The following ATXN2 variants were observed in gnomAD, a reference collection of about 807,000 sequenced individuals.
ATXN2 encodes ataxin 2.
ATXN2 carries 37 observed loss-of-function variants against 138.6 expected under a neutral mutation model. The observed-to-expected ratio is 0.27, with a 90% confidence interval of 0.21 to 0.35. ATXN2 has a LOEUF of 0.35. ATXN2 is among the 10% of genes least tolerant of loss of function. The probability of loss-of-function intolerance (pLI) is 1.00; values close to 1 mark genes in which losing one functional copy is unlikely to be tolerated. For missense variants in ATXN2, 1,216 were observed against 1,480.3 expected (o/e 0.82, Z 2.93); for synonymous variants, 549 against 543.7 (o/e 1.01, Z -0.13).
chr12:111,538,804 T>G (rs1252196786), intron 5 of ATXN2, among the ~76,000 whole-genome samples: 1 of 150,472 alleles, frequency 6.6e-6, no homozygotes, highest in Non-Finnish European at 1.5e-5. Flanking sequence ...TCAAACTTAC[T>G]AATCAGATTC....
intron 22 of ATXN2, among the ~76,000 whole-genome samples, chr12:111,456,485 G>C (rs1875112606): frequency 6.6e-6 from 1 of 152,144 alleles, no homozygotes; most frequent in South Asian, 2.1e-4. Context: ...AAACTTCTGA[G>C]CATACATACT....
At chr12:111,566,040 G>T (rs1882983178) in intron 1 of ATXN2, among the ~76,000 whole-genome samples, 1 of 151,906 alleles carries the variant, frequency 6.6e-6, no homozygotes, top group African/African-American at 2.4e-5. Flanking sequence ...AAGCTATGAT[G>T]GGAATGTACA....
chr12:111,599,636 C>A (rs1022677920), upstream of ATXN2: 8 of 1,079,296 alleles, frequency 7.4e-6, no homozygotes, highest in Non-Finnish European at 9.0e-6. Context: ...GGGAGGGACA[C>A]GTGAGGAGCG....
chr12:111,573,184 T>TTTTATTTA (rs890065572), intron 1 of ATXN2, among the ~76,000 whole-genome samples: 1 of 151,862 alleles, frequency 6.6e-6, no homozygotes, highest in African/African-American at 2.4e-5. Context: ...TTGTTATTAT[T>TTTTATTTA]TTTATTTATT....
intron 16 of ATXN2, 78 bp from the exon 17 acceptor site, chr12:111,485,943 A>G: frequency 7.1e-7 from 1 of 1,411,066 alleles, no homozygotes; most frequent in South Asian, 1.4e-5. Context: ...GGATTTTCCC[A>G]GTCTTTCTAA....
intron 5 of ATXN2, among the ~76,000 whole-genome samples, chr12:111,531,523 G>C (rs1323440076): frequency 6.6e-6 from 1 of 152,248 alleles, no homozygotes; most frequent in Non-Finnish European, 1.5e-5. Flanking sequence ...GGGGGTTAGA[G>C]AGGAGATTAT....
chr12:111,531,139 G>A (rs1880808980), intron 5 of ATXN2, among the ~76,000 whole-genome samples: 1 of 152,116 alleles, frequency 6.6e-6, no homozygotes, highest in African/African-American at 2.4e-5. Context: ...AACAGGCTGG[G>A]CACAGTGGCT....
At position 111,509,938 on chromosome 12, in the gene ATXN2, A is replaced by G. The variant is rs1473867476; in HGVS notation, c.1817T>C (p.Ile606Thr). 16 of 1,613,314 alleles carry G rather than the reference A, an allele frequency of 9.9e-6. No individual in the cohort carries two copies. Among genetic ancestry groups the G allele is most frequent in the Non-Finnish European group, 1.4e-5 (16 of 1,179,650 alleles). ...QNSPAGNKENIKPNETSPSFS... is the reference protein window; with the variant it reads ...QNSPAGNKENTKPNETSPSFS... Reference sequence around the variant, plus strand: ...GCTAGGTGATGTTTCATTGGGTTTAATATTTTCTTTATTCCCTGCAGGAGA... The same window carrying G: ...GCTAGGTGATGTTTCATTGGGTTTAGTATTTTCTTTATTCCCTGCAGGAGA... Residue 606 changes from isoleucine to threonine, a missense_variant, in exon 13 of 25, where the codon ATT becomes ACT. Ile to Thr is a moderately conservative substitution (Grantham distance 89). This residue lies in a region of ATXN2 where 215 missense variants were observed against 210.0 expected (regional missense o/e 1.02). Coordinates refer to ENST00000673436, the MANE Select transcript of ATXN2 (RefSeq NM_001372574.1).
chr12:111,532,296 A>G (rs1280928095), intron 5 of ATXN2, among the ~76,000 whole-genome samples: 1 of 152,152 alleles, frequency 6.6e-6, no homozygotes, highest in Non-Finnish European at 1.5e-5. Flanking sequence ...CCTGGCCAAT[A>G]TGGTGAAACC....
intron 5 of ATXN2, among the ~76,000 whole-genome samples, chr12:111,536,784 T>G (rs868262119): frequency 2.1e-5 from 3 of 145,770 alleles, no homozygotes; most frequent in South Asian, 4.6e-4. Flanking sequence ...GCAGTTTTTT[T>G]TTTTTTTTTT....
intron 1 of ATXN2, among the ~76,000 whole-genome samples, chr12:111,592,782 C>CAAAAAAAAAAAAAAAAAAAAAAAAAA (rs71083183): frequency 5.8e-4 from 15 of 26,030 alleles, no homozygotes; most frequent in Admixed American, 1.4e-3. Flanking sequence ...GACTCCGTCT[C>CAAAAAAAAAAAAAAAAAAAAAAAAAA]AAAAAAAAAA....
intron 1 of ATXN2, among the ~76,000 whole-genome samples, chr12:111,580,033 T>C (rs1883906884): frequency 1.3e-5 from 2 of 152,034 alleles, no homozygotes; most frequent in Admixed American, 1.3e-4. Context: ...CCCAGGGCCT[T>C]GAACTCCTGG....
At chr12:111,534,200 A>C (rs1881010150) in intron 5 of ATXN2, among the ~76,000 whole-genome samples, 1 of 152,036 alleles carries the variant, frequency 6.6e-6, no homozygotes, top group Non-Finnish European at 1.5e-5. Context: ...AGGAGTTCGA[A>C]ACCAACCTGG....
At chr12:111,547,936 C>T (rs529196570) in intron 5 of ATXN2, among the ~76,000 whole-genome samples, 1 of 146,252 alleles carries the variant, frequency 6.8e-6, no homozygotes, top group Non-Finnish European at 1.5e-5. Flanking sequence ...TTCATGCCTA[C>T]AATCCCAGCA....
At position 111,599,054 on chromosome 12, in the gene ATXN2, G is replaced by A; in HGVS notation, c.-20C>T. 1 of 1,450,188 alleles carries A rather than the reference G, an allele frequency of 6.9e-7. No individual in the cohort carries two copies. The highest frequency in any genetic ancestry group is 9.1e-7 in the Non-Finnish European group (1 of 1,102,298). 89.8% of individuals were successfully genotyped at this position (1,450,188 alleles called of 1,614,324 possible). A position where few individuals can be genotyped will look rare whatever the true frequency, so the allele number is the denominator to read the frequency against. ...CGACATGGTGAGGGGCCCATACACC[G>A]GCTCGCACGCCGGGCGGGGACAGCC... On this transcript the variant is annotated 5_prime_UTR_variant, in exon 1 of 25. Coordinates refer to ENST00000673436, the MANE Select transcript of ATXN2 (RefSeq NM_001372574.1).
intron 18 of ATXN2, chr12:111,471,243 AC>A (rs1366311190): frequency 6.0e-6 from 1 of 166,058 alleles, no homozygotes; most frequent in Non-Finnish European, 1.3e-5. Flanking sequence ...ATAACACAGC[AC>A]CATGTAGCAT....
At chr12:111,465,915 C>T (rs2135667500) in intron 20 of ATXN2, among the ~76,000 whole-genome samples, 1 of 151,948 alleles carries the variant, frequency 6.6e-6, no homozygotes, top group African/African-American at 2.4e-5. Flanking sequence ...CCTGTAATCC[C>T]AGCACTTTGG....
At chr12:111,522,747 T>C (rs1880249299) in intron 6 of ATXN2, among the ~76,000 whole-genome samples, 1 of 151,806 alleles carries the variant, frequency 6.6e-6, no homozygotes, top group Non-Finnish European at 1.5e-5. Flanking sequence ...ACCCTGTCTC[T>C]ACTAAAAATA....
intron 21 of ATXN2, among the ~76,000 whole-genome samples, chr12:111,463,201 C>T (rs888143363): frequency 6.6e-6 from 1 of 152,154 alleles, no homozygotes; most frequent in South Asian, 2.1e-4. Context: ...ACATTTCATA[C>T]AAGGTGACAA....
Sources: gnomAD v4.1 joint callset for allele counts (sites outside exome capture counted in the v4.1 genomes callset) on GRCh38, gnomAD v4.1.1 for gene constraint, gnomAD v4.1.1 regional missense constraint, MANE v1.5 for transcripts, NCBI Gene and HGNC (gene_info 2026-07-23, HGNC 2026-07-21) for gene names.